Variants in KCNC2 observed in about 807,000 individuals in gnomAD.
KCNC2 encodes the protein potassium voltage-gated channel subfamily C member 2, also known as voltage-gated potassium channel KCNC2.
KCNC2 carries 21 observed loss-of-function variants against 44.5 expected under a neutral mutation model. That is an observed-to-expected ratio of 0.47 (90% CI 0.33 to 0.68). The LOEUF is 0.68. KCNC2 is among the 30% of genes least tolerant of loss of function. The pLI, the probability that KCNC2 is intolerant of heterozygous loss-of-function variation, is 0.01. For synonymous variants in KCNC2, 391 were observed against 339.1 expected, an observed-to-expected ratio of 1.15 and a Z score of -1.68; for missense variants, 589 against 826.2, an observed-to-expected ratio of 0.71 and a Z score of 3.52.
At chr12:75,047,013 G>A (rs1265406781) in intron 4 of KCNC2, among the ~76,000 whole-genome samples, 1 of 151,980 alleles carries the variant, frequency 6.6e-6, no homozygotes, top group Non-Finnish European at 1.5e-5. Flanking sequence ...TCAATAGGGA[G>A]AAACTCCAAT....
intron 4 of KCNC2, among the ~76,000 whole-genome samples, chr12:75,045,058 G>A (rs915800459): frequency 6.6e-5 from 10 of 151,996 alleles, no homozygotes; most frequent in African/African-American, 2.4e-4. Flanking sequence ...GGAATTGTAG[G>A]AAAAAATTAT....
At chr12:75,194,954 A>G (rs2030633716) in intron 2 of KCNC2, among the ~76,000 whole-genome samples, 1 of 152,078 alleles carries the variant, frequency 6.6e-6, no homozygotes, top group South Asian at 2.1e-4. Context: ...TTTCTTCCTC[A>G]CTACCTTTGC....
At chr12:75,206,007 T>C (rs1460724795) in intron 2 of KCNC2, among the ~76,000 whole-genome samples, 1 of 151,748 alleles carries the variant, frequency 6.6e-6, no homozygotes, top group East Asian at 1.9e-4. Flanking sequence ...TCTAAAGGAG[T>C]AGCAATGCTT....
intron 2 of KCNC2, among the ~76,000 whole-genome samples, chr12:75,146,085 G>T (rs1403840725): frequency 6.6e-6 from 1 of 151,608 alleles, no homozygotes; most frequent in Non-Finnish European, 1.5e-5. Flanking sequence ...CTCCCTAGTA[G>T]CTGGGACTAC....
intron 2 of KCNC2, among the ~76,000 whole-genome samples, chr12:75,131,747 G>A (rs1299453643): frequency 6.6e-6 from 1 of 152,098 alleles, no homozygotes; most frequent in Non-Finnish European, 1.5e-5. Flanking sequence ...TAAGGAAAGA[G>A]GGACCTCAGT....
chr12:75,172,527 C>G (rs1424628549), intron 2 of KCNC2, among the ~76,000 whole-genome samples: 1 of 151,696 alleles, frequency 6.6e-6, no homozygotes, highest in Non-Finnish European at 1.5e-5. Flanking sequence ...TTGCCCTGTA[C>G]TTTCATTCTT....
intron 2 of KCNC2, among the ~76,000 whole-genome samples, chr12:75,075,491 A>G (rs1465495857): frequency 1.3e-5 from 2 of 149,164 alleles, no homozygotes; most frequent in East Asian, 3.9e-4. Context: ...ATACACATAT[A>G]TATATATAAA....
At chr12:75,086,699 T>TATATATATACAC (rs1339170718) in intron 2 of KCNC2, among the ~76,000 whole-genome samples, 1 of 138,870 alleles carries the variant, frequency 7.2e-6, no homozygotes, top group African/African-American at 2.8e-5. Flanking sequence ...TATATATATA[T>TATATATATACAC]ACACACACAT....
chr12:75,142,310 A>T (rs1196618070), intron 2 of KCNC2, among the ~76,000 whole-genome samples: 2 of 152,220 alleles, frequency 1.3e-5, no homozygotes, highest in African/African-American at 4.8e-5. Context: ...AAATCTGCAA[A>T]TGTGAATTTC....
chr12:75,185,870 A>T (rs1892903824), intron 2 of KCNC2, among the ~76,000 whole-genome samples: 1 of 151,684 alleles, frequency 6.6e-6, no homozygotes, highest in Non-Finnish European at 1.5e-5. Flanking sequence ...ACATGGTGAA[A>T]CTCTGTCTGT....
intron 2 of KCNC2, among the ~76,000 whole-genome samples, chr12:75,059,417 C>T (rs1028217929): frequency 6.6e-6 from 1 of 152,054 alleles, no homozygotes; most frequent in Non-Finnish European, 1.5e-5. Context: ...CTAGAGGCTA[C>T]ATGACATGTG....
At chr12:75,081,609 T>A (rs1342796410) in intron 2 of KCNC2, among the ~76,000 whole-genome samples, 1 of 152,030 alleles carries the variant, frequency 6.6e-6, no homozygotes, top group African/African-American at 2.4e-5. Flanking sequence ...CCTGATTCAC[T>A]TCTTGTAATA....
intron 2 of KCNC2, among the ~76,000 whole-genome samples, chr12:75,120,201 C>T (rs1489185480): frequency 6.6e-6 from 1 of 152,176 alleles, no homozygotes; most frequent in Non-Finnish European, 1.5e-5. Context: ...TCCCCAAATA[C>T]TCTATCATTT....
chr12:75,041,974 A>G lies in KCNC2; in HGVS notation c.*1131T>C, dbSNP rs145816703. The G allele has an allele frequency of 4.1e-4, 421 of 1,027,818 alleles. 2 individuals are homozygous for G. The African/African-American group carries it at 6.9e-3, about 17-fold the overall frequency. The allele number at this position is 1,027,818 out of a possible 1,614,324, so 63.7% of individuals were successfully genotyped here. On this transcript the variant is annotated 3_prime_UTR_variant, in exon 5 of 5. Coordinates refer to ENST00000549446, the MANE Select transcript of KCNC2 (RefSeq NM_139137.4). The stretch of plus-strand genomic sequence containing the variant: ...GGAAAGACAGGGAGCTAAGACAGAC[A>G]AGAACAACATACAGGACAAAGCACC...
intron 2 of KCNC2, among the ~76,000 whole-genome samples, chr12:75,162,324 A>G (rs941351939): frequency 5.9e-5 from 9 of 151,738 alleles, no homozygotes; most frequent in Non-Finnish European, 1.3e-4. Context: ...ATGGATTTCA[A>G]GGTCTGCTTT....
Position 75,207,399 on chromosome 12 carries a change from C to A in KCNC2, c.585G>T (p.Ala195=). The stretch of plus-strand genomic sequence containing the variant: ...TGCCGTCGGGGCCCCCGAGCCCCGC[C>A]GCGTCCTCGATGCCCAGCCTCTTGG... ...LAAKRLGIED[A]AGLGGPDGKS... The change falls in exon 2 of 5, where the codon GCG becomes GCT. Residue 195 remains alanine (A), a synonymous_variant. Coordinates refer to ENST00000549446, the MANE Select transcript of KCNC2 (RefSeq NM_139137.4). The surrounding 1 kb of genome is among the most constrained non-coding windows in gnomAD (Gnocchi z 4.1). The A allele has an allele frequency of 6.3e-7, 1 of 1,591,700 alleles. No homozygotes were observed. The highest frequency in any genetic ancestry group is 8.5e-7 in the Non-Finnish European group (1 of 1,169,742).
intron 2 of KCNC2, among the ~76,000 whole-genome samples, chr12:75,084,989 A>G (rs1409274283): frequency 4.0e-5 from 6 of 149,598 alleles, no homozygotes; most frequent in Non-Finnish European, 7.4e-5. Flanking sequence ...TAAAAATGCA[A>G]ATCAGTAAAG....
In KCNC2 at chr12:75,050,393, A is replaced by T. The variant is rs1450061283; in HGVS notation, c.1612T>A (p.Ser538Thr). Residue 538 changes from serine (S) to threonine (T), a missense_variant, in exon 3 of 5, where the codon TCA becomes ACA. Physicochemically the swap from Ser to Thr is moderately conservative, Grantham distance 58 (BLOSUM62 1). Transcript: ENST00000549446. The part of the protein sequence containing the change: ...KDNRLLEHNR[S>T]VLSGDDSTGS... ...TGCATTTGAAGTCCTGCCTTACCTG[A>T]TCTGTTATGTTCCAGAAGTCGATTG... 1 of 1,604,020 alleles carries T rather than the reference A, an allele frequency of 6.2e-7. No individual in the cohort carries two copies. The highest frequency in any genetic ancestry group is 8.5e-7 in the Non-Finnish European group (1 of 1,173,266).
chr12:75,207,156 G>A lies in KCNC2; in HGVS notation c.687+141C>T. 2.1e-6 allele frequency: 3 copies of A among 1,407,846 alleles called. No homozygotes were observed. The highest frequency in any genetic ancestry group is 2.8e-6 in the Non-Finnish European group (3 of 1,074,710). 87.2% of individuals were successfully genotyped at this position (1,407,846 alleles called of 1,614,324 possible). A position where few individuals can be genotyped will look rare whatever the true frequency, so the allele number is the denominator to read the frequency against. ...TCCCTGGGTTTACCCTGCAAAGGAT[G>A]AGCCTCTAACTGTATCGCTAGGAAA... On this transcript the variant is annotated intron_variant, in intron 2 of 4. Transcript: ENST00000549446. This position sits in a 1 kb window ranked among gnomAD's most constrained non-coding sequence, Gnocchi z 4.1.
Sources: allele counts gnomAD v4.1 joint callset (sites outside exome capture counted in the v4.1 genomes callset), GRCh38; gene constraint gnomAD v4.1.1; non-coding constraint Gnocchi (gnomAD v3.1); transcripts MANE v1.5; gene names NCBI Gene and HGNC (gene_info 2026-07-23, HGNC 2026-07-21).